The following LMO1 variants were observed in gnomAD, a reference collection of about 807,000 sequenced individuals.
LMO1 encodes the protein LIM domain only 1.
Under a neutral mutation model 18.0 loss-of-function variants are expected in LMO1, and 10 were observed. The ratio of observed to expected loss-of-function variants is 0.55; its 90% CI spans 0.34 to 0.94. The LOEUF is 0.94. LMO1 is among the 40% of genes least tolerant of loss of function. LMO1 has a pLI of 0.02. For missense variants in LMO1, 183 were observed against 205.7 expected, an observed-to-expected ratio of 0.89 and a Z score of 0.68; for synonymous variants, 77 against 77.9, an observed-to-expected ratio of 0.99 and a Z score of 0.06.
At chr11:8,242,718 C>T (rs1278444270) in intron 1 of LMO1, among the ~76,000 whole-genome samples, 1 of 152,202 alleles carries the variant, frequency 6.6e-6, no homozygotes, top group African/African-American at 2.4e-5. Flanking sequence ...CGTCACCCAT[C>T]TAATGAAACA....
chr11:8,230,830 C>T (rs755618707), intron 1 of LMO1, among the ~76,000 whole-genome samples: 1 of 152,216 alleles, frequency 6.6e-6, no homozygotes, highest in Non-Finnish European at 1.5e-5. Flanking sequence ...CGGTCTCATC[C>T]GGAGTAAGCC....
chr11:8,257,015 G>A (rs1480743773), intron 1 of LMO1, among the ~76,000 whole-genome samples: 1 of 152,238 alleles, frequency 6.6e-6, no homozygotes, highest in Non-Finnish European at 1.5e-5. Context: ...CCAGTGGTGT[G>A]CTGATGCATG....
chr11:8,262,810 G>A (rs1217891557), intron 1 of LMO1, among the ~76,000 whole-genome samples: 1 of 152,138 alleles, frequency 6.6e-6, no homozygotes, highest in African/African-American at 2.4e-5. Flanking sequence ...CCTTCCCCTC[G>A]CCTGCCGGGC....
intron 1 of LMO1, among the ~76,000 whole-genome samples, chr11:8,256,849 T>C (rs1590561693): frequency 1.3e-5 from 2 of 152,226 alleles, no homozygotes; most frequent in African/African-American, 2.4e-5. Flanking sequence ...TTTAGTGTGA[T>C]GGTCAAAGCA....
At chr11:8,255,966 C>T (rs1043626212) in intron 1 of LMO1, among the ~76,000 whole-genome samples, 29 of 152,004 alleles carry the variant, frequency 1.9e-4, no homozygotes, top group Non-Finnish European at 3.1e-4. Context: ...GCTGGGACTA[C>T]AGGCGCCCGC....
chr11:8,268,531 G>T (rs889233164), upstream of LMO1: 9 of 1,168,714 alleles, frequency 7.7e-6, no homozygotes, highest in African/African-American at 1.5e-4. Context: ...CGCCTGCGCT[G>T]CTCCCGCCGG....
chr11:8,233,839 T>C (rs1039712811), intron 1 of LMO1, among the ~76,000 whole-genome samples: 3 of 152,106 alleles, frequency 2.0e-5, no homozygotes, highest in African/African-American at 7.2e-5. Flanking sequence ...TGAAGTCCAT[T>C]TGGGATCCAT....
chr11:8,227,759 G>T (rs1459361868), intron 2 of LMO1, among the ~76,000 whole-genome samples: 2 of 152,214 alleles, frequency 1.3e-5, no homozygotes. Context: ...GACAGTCACA[G>T]GGCCTTGGTC....
intron 1 of LMO1, among the ~76,000 whole-genome samples, chr11:8,246,985 C>T (rs980902538): frequency 1.3e-5 from 2 of 152,234 alleles, no homozygotes; most frequent in African/African-American, 2.4e-5. Flanking sequence ...TGACTCCATC[C>T]ACTTTTCCAG....
chr11:8,247,858 T>A (rs417210), intron 1 of LMO1, among the ~76,000 whole-genome samples: 2 of 152,154 alleles, frequency 1.3e-5, no homozygotes, highest in South Asian at 2.1e-4. Flanking sequence ...AGAAGACTTC[T>A]CAAGGTAAGG....
At chr11:8,243,451 G>A (rs971903385) in intron 1 of LMO1, among the ~76,000 whole-genome samples, 2 of 152,218 alleles carry the variant, frequency 1.3e-5, no homozygotes, top group Non-Finnish European at 2.9e-5. Flanking sequence ...CCTGGTGGGA[G>A]AAAGCCTGCT....
chr11:8,242,398 C>T (rs1451035060), intron 1 of LMO1, among the ~76,000 whole-genome samples: 4 of 152,214 alleles, frequency 2.6e-5, no homozygotes, highest in Non-Finnish European at 5.9e-5. Context: ...GCCTCCCCAG[C>T]TCCCTGCCTG....
At position 8,229,850 on chromosome 11, in the gene LMO1, A is replaced by T. The variant is rs566229279; in HGVS notation, c.239+441T>A. ...TGCTCCCAAGGACCATCTAGAAAGGAAAGTTGGACACTGGGAGATGGAAAG... is the reference window on the plus strand; with the variant it reads ...TGCTCCCAAGGACCATCTAGAAAGGTAAGTTGGACACTGGGAGATGGAAAG... On this transcript the variant is annotated intron_variant, in intron 2 of 3. Coordinates refer to ENST00000335790, the MANE Select transcript of LMO1 (RefSeq NM_002315.3). Among the ~76,000 whole-genome samples the T allele has an allele frequency of 2.0e-5, 3 of 152,286 alleles. No individual in the cohort carries two copies. The East Asian group carries it at 5.8e-4, about 29-fold the overall frequency.
intron 1 of LMO1, among the ~76,000 whole-genome samples, chr11:8,252,818 C>A (rs764454538): frequency 1.8e-4 from 28 of 152,244 alleles, no homozygotes; most frequent in Non-Finnish European, 3.4e-4. Flanking sequence ...GAGAGAAATC[C>A]CGGAGCAGAG....
rs1195919882 is a variant in LMO1, at chr11:8,263,795, A to T, written c.-433T>A. The T allele has an allele frequency of 1.9e-6, 2 of 1,069,310 alleles. No homozygotes were observed. Among genetic ancestry groups the T allele is most frequent in the African/African-American group, 1.6e-5 (1 of 60,924 alleles). 66.2% of individuals were successfully genotyped at this position (1,069,310 alleles called of 1,614,324 possible). On this transcript the variant is annotated 5_prime_UTR_variant, in exon 1 of 4. Coordinates refer to ENST00000335790, the MANE Select transcript of LMO1 (RefSeq NM_002315.3). Reference sequence around the variant, plus strand: ...CATAAAGTGTTTTCCCCTCGGATTTAATCTGAATCTCAATCTAAAATTATA... The same window carrying T: ...CATAAAGTGTTTTCCCCTCGGATTTTATCTGAATCTCAATCTAAAATTATA...
intron 1 of LMO1, among the ~76,000 whole-genome samples, chr11:8,248,315 G>A (rs1846929995): frequency 6.6e-6 from 1 of 152,248 alleles, no homozygotes; most frequent in Admixed American, 6.5e-5. Context: ...CCTTTGCCAT[G>A]GAAGGGAGGG....
intron 1 of LMO1, among the ~76,000 whole-genome samples, chr11:8,233,590 G>A (rs530241448): frequency 3.3e-5 from 5 of 152,260 alleles, no homozygotes; most frequent in African/African-American, 1.2e-4. Flanking sequence ...CTCCTGGAAA[G>A]GTGGAGGGGC....
rs1952502779 is a variant in LMO1 at position 8,224,728 on chromosome 11, A to T, written c.366-7T>A. 6.3e-7 allele frequency: 1 copy of T among 1,577,656 alleles called. No homozygotes were observed. The highest frequency in any genetic ancestry group is 1.1e-5 in the South Asian group (1 of 87,052). ...TTTGTCTCCCACACAAAATCTAGAA[A>T]ATCCAAGCGAGAGAGAGAAGCCATG... On this transcript the variant is annotated splice_polypyrimidine_tract_variant and splice_region_variant and intron_variant, in intron 3 of 3. Coordinates refer to ENST00000335790, the MANE Select transcript of LMO1 (RefSeq NM_002315.3).
intron 1 of LMO1, among the ~76,000 whole-genome samples, chr11:8,247,175 C>T (rs1388538685): frequency 6.6e-6 from 1 of 152,232 alleles, no homozygotes; most frequent in African/African-American, 2.4e-5. Context: ...GTCCCTCTTT[C>T]AGGACCTTGA....
Sources: gnomAD v4.1 joint callset for allele counts (sites outside exome capture counted in the v4.1 genomes callset) on GRCh38, gnomAD v4.1.1 for gene constraint, MANE v1.5 for transcripts, NCBI Gene and HGNC (gene_info 2026-07-23, HGNC 2026-07-21) for gene names.